ATG2B: variants seen among roughly 807,000 people sequenced by gnomAD.
ATG2B encodes autophagy-related protein 2 homolog B.
ATG2B carries 121 observed loss-of-function variants against 241.3 expected under a neutral mutation model. That is an observed-to-expected ratio of 0.50 (90% confidence interval 0.43 to 0.58). The LOEUF (loss-of-function observed/expected upper bound fraction) is 0.58. ATG2B is among the 20% of genes least tolerant of loss of function. The probability of loss-of-function intolerance (pLI) is 0.00; values close to 1 mark genes in which losing one functional copy is unlikely to be tolerated. For synonymous variants in ATG2B, 858 were observed against 876.6 expected (o/e 0.98, Z 0.37); for missense variants, 2,306 against 2,491.6 (o/e 0.93, Z 1.59).
At position 96,331,442 on chromosome 14, in the gene ATG2B, A is replaced by G; in HGVS notation, c.1664T>C (p.Phe555Ser). The G allele has an allele frequency of 6.2e-7, 1 of 1,614,120 alleles. No homozygotes were observed. Residue 555 changes from phenylalanine to serine, a missense_variant, in exon 11 of 42, where the codon TTT (phenylalanine) becomes TCT (serine). Physicochemically the swap from Phe to Ser is radical, Grantham distance 155. Transcript: ENST00000359933. ...GAAAGACTTAAAATCTTCTGTTGAAAATCTTGCTGGATCAATCTTTTCTAT... is the reference window on the plus strand; with the variant it reads ...GAAAGACTTAAAATCTTCTGTTGAAGATCTTGCTGGATCAATCTTTTCTAT... ...TCIEKIDPAR[F>S]STEDFKSFRA...
intron 34 of ATG2B, among the ~76,000 whole-genome samples, chr14:96,301,707 T>G (rs1291567352): frequency 6.6e-6 from 1 of 152,150 alleles, no homozygotes; most frequent in Non-Finnish European, 1.5e-5. Context: ...TAATACTCTC[T>G]GAAAATGTAT....
rs1446266993 is a variant in ATG2B at position 96,280,261 on chromosome 14, T to G, written c.*5494A>C. 6.6e-6 allele frequency: 1 copy of G among 152,192 alleles called. No individual in the cohort carries two copies. Among genetic ancestry groups the G allele is most frequent in the African/African-American group, 2.4e-5 (1 of 41,440 alleles). 9.4% of individuals were successfully genotyped at this position (152,192 alleles called of 1,614,324 possible). On this transcript the variant is annotated 3_prime_UTR_variant, in exon 42 of 42. Coordinates refer to ENST00000359933, the MANE Select transcript of ATG2B (RefSeq NM_018036.7). The stretch of plus-strand genomic sequence containing the variant: ...ACTTTTTGCTAAGTTAGGTAACTGC[T>G]CCAAGCTTTTCTTAAATGAAGTCCT...
intron 28 of ATG2B, 85 bp from the exon 29 acceptor site, chr14:96,309,679 T>A (rs1887096938): frequency 7.8e-7 from 1 of 1,275,624 alleles, no homozygotes; most frequent in South Asian, 1.6e-5. Context: ...CAAAAATACA[T>A]TACATTGTAC....
At chr14:96,309,416 T>C (rs749826450) in intron 29 of ATG2B, 37 bp downstream of exon 29, 1 of 1,571,242 alleles carries the variant, frequency 6.4e-7, no homozygotes, top group Non-Finnish European at 8.6e-7. Flanking sequence ...GCCCCAACAT[T>C]AACATCAGTG....
rs1000653683 is a variant in ATG2B at position 96,329,938 on chromosome 14, T to C, written c.1731-304A>G. On this transcript the variant is annotated intron_variant, in intron 11 of 41. Coordinates refer to ENST00000359933, the MANE Select transcript of ATG2B (RefSeq NM_018036.7). ...CTCTTAAAATTATCTAAAAACATTA[T>C]GCAATATTTCAAAAACTTTAGTCGG... is the stretch of plus-strand genomic sequence containing the variant. Among the ~76,000 whole-genome samples, 12 of 152,094 alleles carry C rather than the reference T, an allele frequency of 7.9e-5. 1 individual carries two copies. Among genetic ancestry groups the C allele is most frequent in the Non-Finnish European group, 2.9e-5 (2 of 68,034 alleles).
At chr14:96,316,751 G>T (rs1887324351) in intron 20 of ATG2B, 68 bp from the exon 21 acceptor site, 3 of 1,381,620 alleles carry the variant, frequency 2.2e-6, no homozygotes, top group Non-Finnish European at 1.0e-6. Flanking sequence ...TGTTCCTTGA[G>T]ATGCTCTTTG....
rs147364612 is a variant in ATG2B at position 96,305,429 on chromosome 14, A to G, written c.4733+160T>C. On this transcript the variant is annotated intron_variant, in intron 31 of 41. Coordinates refer to ENST00000359933, the MANE Select transcript of ATG2B (RefSeq NM_018036.7). ...TTCACAATTGGAAAACTGTGAGAGT[A>G]ACATTTAAATTACAGTTTTTAATAC... 4.2e-3 allele frequency among the ~76,000 whole-genome samples: 644 copies of G among 152,354 alleles called. 24 individuals carry two copies. In the South Asian group the frequency reaches 0.066, roughly 16 times the overall value.
chr14:96,347,247 A>G lies in ATG2B; in HGVS notation c.257T>C (p.Leu86Ser). The G allele has an allele frequency of 6.2e-7, 1 of 1,612,048 alleles. No individual in the cohort carries two copies. Among genetic ancestry groups the G allele is most frequent in the Non-Finnish European group, 8.5e-7 (1 of 1,178,372 alleles). The stretch of plus-strand genomic sequence containing the variant: ...TTCCAGTGCACAATTATCCTGCAGT[A>G]AAGAGCCCCATGGAACTGACAGGGA... The part of the protein sequence containing the change: ...SISLSVPWGS[L>S]LQDNCALEVR... The change falls in exon 2 of 42, where the codon TTA (leucine) becomes TCA (serine). Residue 86 changes from leucine to serine, a missense_variant. By Grantham distance (145) the Leu-to-Ser change is moderately radical. This residue lies in a region of ATG2B where 1,927 missense variants were observed against 2,011.2 expected (regional missense o/e 0.96). Transcript: ENST00000359933.
Position 96,328,439 on chromosome 14 carries a change from T to C in ATG2B, c.2071A>G (p.Arg691Gly). 1 of 1,613,710 alleles carries C rather than the reference T, an allele frequency of 6.2e-7. No individual in the cohort carries two copies. The highest frequency in any genetic ancestry group is 8.5e-7 in the Non-Finnish European group (1 of 1,179,818). Residue 691 changes from arginine (R) to glycine (G), a missense_variant, in exon 14 of 42, where the codon AGG becomes GGG. By Grantham distance (125) the Arg-to-Gly change is moderately radical. Transcript: ENST00000359933. The stretch of plus-strand genomic sequence containing the variant: ...TGTGGTTGAAGCAAGGAATTTAACC[T>C]GTCCACAATACTGATATCCAGCTCA... ...CCELDISIVDRLNSLLQPQKL... is the reference protein window; with the variant it reads ...CCELDISIVDGLNSLLQPQKL...
rs1291474102 is a variant in ATG2B, at chr14:96,305,743, G to A, written c.4579C>T (p.Leu1527=). 3 of 1,614,040 alleles carry A rather than the reference G, an allele frequency of 1.9e-6. No individual in the cohort carries two copies. Among genetic ancestry groups the A allele is most frequent in the Non-Finnish European group, 2.5e-6 (3 of 1,180,024 alleles). The change falls in exon 31 of 42, where the codon CTG becomes TTG. Residue 1527 remains leucine (L), a synonymous_variant. Transcript: ENST00000359933. The part of the protein sequence containing the change: ...AIVIRDNYFS[L]PVNKTDTSKA... ...CTCGTATCGGTCTTATTAACGGGCA[G>A]ACTGAAATAATTGTCTCTTATCACA...
At position 96,328,703 on chromosome 14, in the gene ATG2B, A is replaced by G. The variant is rs1887651270; in HGVS notation, c.1945T>C (p.Tyr649His). The change falls in exon 13 of 42, where the codon TAT becomes CAT. Residue 649 changes from tyrosine to histidine, a missense_variant. This residue lies in a region of ATG2B where 1,927 missense variants were observed against 2,011.2 expected (regional missense o/e 0.96). Coordinates refer to ENST00000359933, the MANE Select transcript of ATG2B (RefSeq NM_018036.7). ...GGCCCTCTATTCTCAGAATGCTTAT[A>G]ATGAAGCTGAAGACACACAGGGGAA... is the stretch of plus-strand genomic sequence containing the variant. ...SHSPVCLQLH[Y>H]KHSENRGPQG... The G allele has an allele frequency of 6.2e-7, 1 of 1,611,556 alleles. No homozygotes were observed. The highest frequency in any genetic ancestry group is 1.3e-5 in the African/African-American group (1 of 74,912).
chr14:96,350,720 G>A lies in ATG2B; in HGVS notation c.163-3379C>T, dbSNP rs865978700. Among the ~76,000 whole-genome samples, 24 of 152,244 alleles carry A rather than the reference G, an allele frequency of 1.6e-4. 1 individual carries two copies. In the East Asian group the frequency reaches 1.9e-3, roughly 12 times the overall value. Reference sequence around the variant, plus strand: ...TTGAATAGTGAGACTTGATCGGCTCGTTTTATTTTTGGAGATCACTACTTT... The same window carrying A: ...TTGAATAGTGAGACTTGATCGGCTCATTTTATTTTTGGAGATCACTACTTT... On this transcript the variant is annotated intron_variant, in intron 1 of 41. Coordinates refer to ENST00000359933, the MANE Select transcript of ATG2B (RefSeq NM_018036.7).
rs549307261 is a variant in ATG2B at position 96,335,231 on chromosome 14, C to T, written c.925-730G>A. 2.6e-5 allele frequency among the ~76,000 whole-genome samples: 4 copies of T among 152,276 alleles called. No individual in the cohort carries two copies. The South Asian group carries it at 6.2e-4, about 24-fold the overall frequency. ...ATATCCCTGCCTTACTTTTCATTCG[C>T]CTCCTCTTAACACTGACTCCTATTA... is the stretch of plus-strand genomic sequence containing the variant. On this transcript the variant is annotated intron_variant, in intron 6 of 41. Transcript: ENST00000359933.
chr14:96,291,552 C>T, intron 38 of ATG2B, 48 bp downstream of exon 38: 1 of 1,407,938 alleles, frequency 7.1e-7, no homozygotes, highest in African/African-American at 1.4e-5. Flanking sequence ...TTGTTGTACA[C>T]TAACTTTGAT....
intron 31 of ATG2B, among the ~76,000 whole-genome samples, chr14:96,305,148 G>A (rs1393579515): frequency 6.6e-6 from 1 of 152,132 alleles, no homozygotes; most frequent in African/African-American, 2.4e-5. Flanking sequence ...CCAGCGACCG[G>A]CACACTGCAC....
intron 6 of ATG2B, among the ~76,000 whole-genome samples, chr14:96,339,433 A>G (rs1887954266): frequency 1.3e-5 from 2 of 152,006 alleles, no homozygotes; most frequent in African/African-American, 4.8e-5. Flanking sequence ...TATATGGTGT[A>G]TATTTATGTG....
chr14:96,287,313 T>C (rs1053103506), intron 41 of ATG2B, among the ~76,000 whole-genome samples: 1 of 150,762 alleles, frequency 6.6e-6, no homozygotes, highest in African/African-American at 2.4e-5. Flanking sequence ...AGTACTACTT[T>C]AAAAACTATC....
At chr14:96,291,737 T>G in intron 37 of ATG2B, 55 bp from the exon 38 acceptor site, 1 of 1,221,416 alleles carries the variant, frequency 8.2e-7, no homozygotes, top group Non-Finnish European at 1.2e-6. Context: ...AGACTCAACA[T>G]CTAAAATAAT....
At position 96,281,810 on chromosome 14, in the gene ATG2B, T is replaced by C. The variant is rs925719342; in HGVS notation, c.*3945A>G. On this transcript the variant is annotated 3_prime_UTR_variant, in exon 42 of 42. Transcript: ENST00000359933. ...TGAAATCAAGGGCCAACAATTGTTG[T>C]AGGAAAGCAAAATATACCTCTAACA... 6.6e-6 allele frequency: 1 copy of C among 152,164 alleles called. No individual in the cohort carries two copies. The highest frequency in any genetic ancestry group is 2.1e-4 in the South Asian group (1 of 4,834). 9.4% of individuals were successfully genotyped at this position (152,164 alleles called of 1,614,324 possible).
Sources: gnomAD v4.1 joint callset for allele counts (sites outside exome capture counted in the v4.1 genomes callset) on GRCh38, gnomAD v4.1.1 for gene constraint, gnomAD v4.1.1 regional missense constraint, MANE v1.5 for transcripts, NCBI Gene and HGNC (gene_info 2026-07-23, HGNC 2026-07-21) for gene names.